PTPRK: variants seen among roughly 807,000 people sequenced by gnomAD.
PTPRK encodes receptor-type tyrosine-protein phosphatase kappa.
Under a neutral mutation model 178.0 loss-of-function variants are expected in PTPRK, and 75 were observed. The observed-to-expected ratio is 0.42, with a 90% CI of 0.35 to 0.51. The LOEUF (loss-of-function observed/expected upper bound fraction) is 0.51. PTPRK is among the 20% of genes least tolerant of loss of function. The probability of loss-of-function intolerance (pLI) is 0.02; values close to 1 mark genes in which losing one functional copy is unlikely to be tolerated. For missense variants in PTPRK, 1,441 were observed against 1,797.8 expected (o/e 0.80, Z 3.59); for synonymous variants, 637 against 620.6 (o/e 1.03, Z -0.39).
chr6:128,205,487 C>T (rs952348297), intron 6 of PTPRK, among the ~76,000 whole-genome samples: 8 of 152,130 alleles, frequency 5.3e-5, no homozygotes, highest in South Asian at 2.1e-4. Context: ...TGGTGGCTCA[C>T]GCCTATAATC....
chr6:128,376,298 C>G lies in PTPRK; in HGVS notation c.223+21268G>C, dbSNP rs532757530. On this transcript the variant is annotated intron_variant, in intron 2 of 29. Transcript: ENST00000368226. ...TGAAATCTAACTGGAGGTTCCCAAA[C>G]TTTAACTCTTGACTTTCATGTACCT... Among the ~76,000 whole-genome samples, 6 of 152,298 alleles carry G rather than the reference C, an allele frequency of 3.9e-5. No homozygotes were observed. The East Asian group carries it at 5.8e-4, about 15-fold the overall frequency.
intron 20 of PTPRK, 114 bp downstream of exon 20, chr6:127,991,180 T>G: frequency 1.3e-6 from 1 of 753,094 alleles, no homozygotes; most frequent in Non-Finnish European, 2.1e-6. Context: ...ACTAAAATGT[T>G]GTGCCTATAA....
At chr6:128,321,515 T>A in intron 3 of PTPRK, 1 of 347,904 alleles carries the variant, frequency 2.9e-6, no homozygotes, top group Non-Finnish European at 5.1e-6. Context: ...TATATGTCAT[T>A]TAATTTATTC....
At chr6:128,337,343 A>G (rs1831077225) in intron 2 of PTPRK, among the ~76,000 whole-genome samples, 1 of 152,188 alleles carries the variant, frequency 6.6e-6, no homozygotes, top group Non-Finnish European at 1.5e-5. Context: ...TGGCATATAA[A>G]TAATTAAAAG....
intron 6 of PTPRK, among the ~76,000 whole-genome samples, chr6:128,194,067 T>TA (rs1491310879): frequency 0.046 from 3,182 of 68,650 alleles, 70 homozygotes; most frequent in African/African-American, 0.13. Flanking sequence ...TATATATATA[T>TA]TATTATTATT....
chr6:128,184,410 A>G, intron 7 of PTPRK, 22 bp downstream of exon 7: 3 of 1,608,080 alleles, frequency 1.9e-6, no homozygotes, highest in Non-Finnish European at 2.6e-6. Flanking sequence ...CAAGGTAGAA[A>G]AGGTCTGCTA....
At chr6:128,056,037 C>T (rs1203853051) in intron 13 of PTPRK, among the ~76,000 whole-genome samples, 4 of 149,648 alleles carry the variant, frequency 2.7e-5, no homozygotes, top group African/African-American at 9.8e-5. Context: ...GTGTAAGCCC[C>T]GGCAATGTGG....
chr6:128,502,449 A>G (rs917456813), intron 1 of PTPRK, among the ~76,000 whole-genome samples: 1 of 152,222 alleles, frequency 6.6e-6, no homozygotes, highest in South Asian at 2.1e-4. Flanking sequence ...GAGTTTCAAA[A>G]TGGACCAGGT....
intron 6 of PTPRK, among the ~76,000 whole-genome samples, chr6:128,202,972 A>T (rs143366309): frequency 1.3e-4 from 20 of 152,318 alleles, no homozygotes; most frequent in African/African-American, 4.6e-4. Flanking sequence ...ACTTCAGGCC[A>T]ACATCCTTAA....
At chr6:128,038,704 C>T (rs1033386941) in intron 13 of PTPRK, among the ~76,000 whole-genome samples, 1 of 152,154 alleles carries the variant, frequency 6.6e-6, no homozygotes, top group East Asian at 1.9e-4. Flanking sequence ...TCTTAAGGAG[C>T]AGCCATCAAT....
rs367720954 is a variant in PTPRK, at chr6:128,292,655, T to C, written c.495+29384A>G. Among the ~76,000 whole-genome samples the C allele has an allele frequency of 2.2e-4, 34 of 152,204 alleles. 1 individual carries two copies. The South Asian group carries it at 6.6e-3, about 30-fold the overall frequency. On this transcript the variant is annotated intron_variant, in intron 3 of 29. Transcript: ENST00000368226. ...GACCTTCCTCCTCTTTTCCTAAAAA[T>C]AGGATGCAGTTCATAGGGCATCCGT...
In PTPRK at chr6:128,171,375, T is replaced by C. The variant is rs1026494598; in HGVS notation, c.1162+13057A>G. Among the ~76,000 whole-genome samples the C allele has an allele frequency of 5.9e-5, 9 of 152,078 alleles. No individual in the cohort carries two copies. The South Asian group carries it at 1.0e-3, about 18-fold the overall frequency. On this transcript the variant is annotated intron_variant, in intron 7 of 29. Transcript: ENST00000368226. ...CACAAGCATGAGGTTGTTTAGGGGATAATGCGAGCACCTTAACAGTAGGTA... is the reference window on the plus strand; with the variant it reads ...CACAAGCATGAGGTTGTTTAGGGGACAATGCGAGCACCTTAACAGTAGGTA...
chr6:128,478,742 T>C (rs1441613587), intron 1 of PTPRK, among the ~76,000 whole-genome samples: 1 of 152,122 alleles, frequency 6.6e-6, no homozygotes, highest in Non-Finnish European at 1.5e-5. Context: ...GTATTATGGA[T>C]ACAAAAATAA....
chr6:128,314,174 T>A (rs1458466551), intron 3 of PTPRK, among the ~76,000 whole-genome samples: 1 of 152,214 alleles, frequency 6.6e-6, no homozygotes, highest in Non-Finnish European at 1.5e-5. Flanking sequence ...TAATGCAGTT[T>A]CTAAGACTTC....
At chr6:128,268,816 A>C (rs1819350526) in intron 3 of PTPRK, among the ~76,000 whole-genome samples, 2 of 152,030 alleles carry the variant, frequency 1.3e-5, no homozygotes, top group African/African-American at 4.8e-5. Flanking sequence ...ATCCATTCTT[A>C]CCATTTTATT....
chr6:127,978,822 C>G (rs1479433728), intron 25 of PTPRK, among the ~76,000 whole-genome samples: 1 of 152,182 alleles, frequency 6.6e-6, no homozygotes, highest in Non-Finnish European at 1.5e-5. Flanking sequence ...ATTCTTGGCC[C>G]TAGCTCCTAA....
intron 2 of PTPRK, among the ~76,000 whole-genome samples, chr6:128,390,424 T>C (rs1212072285): frequency 6.6e-6 from 1 of 152,124 alleles, no homozygotes; most frequent in Non-Finnish European, 1.5e-5. Context: ...ACAGTGAGTC[T>C]CAGATTCCAT....
chr6:128,421,816 T>C (rs1843517801), intron 1 of PTPRK, among the ~76,000 whole-genome samples: 1 of 152,254 alleles, frequency 6.6e-6, no homozygotes, highest in Non-Finnish European at 1.5e-5. Flanking sequence ...GAAGCTAAAA[T>C]TGTGTTCTTA....
At chr6:128,412,517 A>G (rs950496866) in intron 1 of PTPRK, among the ~76,000 whole-genome samples, 2 of 152,222 alleles carry the variant, frequency 1.3e-5, no homozygotes, top group Admixed American at 1.3e-4. Context: ...CAAGGGGAAG[A>G]GAAACATCAA....
Sources: gnomAD v4.1 joint callset for allele counts (sites outside exome capture counted in the v4.1 genomes callset) on GRCh38, gnomAD v4.1.1 for gene constraint, MANE v1.5 for transcripts, NCBI Gene and HGNC (gene_info 2026-07-23, HGNC 2026-07-21) for gene names.